The following LTBR variants were observed in gnomAD, a reference collection of about 807,000 sequenced individuals.
The protein encoded by LTBR is lymphotoxin beta receptor, also known as tumor necrosis factor receptor superfamily member 3.
A neutral mutation model predicts 45.4 loss-of-function variants in LTBR; 15 were observed. The ratio of observed to expected loss-of-function variants is 0.33; its 90% confidence interval spans 0.22 to 0.51. LTBR has a LOEUF of 0.51. Among genes scored for constraint, LTBR ranks in the 20% least tolerant of loss-of-function variants. The pLI, the probability that LTBR is intolerant of heterozygous loss-of-function variation, is 0.97. For synonymous variants in LTBR, 228 were observed against 231.0 expected (o/e 0.99, Z 0.12); for missense variants, 450 against 565.5 (o/e 0.80, Z 2.07).
upstream of LTBR, among the ~76,000 whole-genome samples, chr12:6,379,192 A>G (rs192006096): frequency 6.6e-6 from 1 of 152,288 alleles, no homozygotes; most frequent in East Asian, 1.9e-4. Context: ...GACAGAGACC[A>G]GGCGTATTCA....
intron 2 of LTBR, 36 bp from the exon 3 acceptor site, chr12:6,384,986 G>A (rs113399955): frequency 0.012 from 19,721 of 1,612,550 alleles, 156 homozygotes; most frequent in Non-Finnish European, 0.015. Flanking sequence ...GTGGAGCCTC[G>A]TCTCCTGAGG....
Position 6,384,345 on chromosome 12 carries a change from G to A in LTBR, c.-14G>A, listed in dbSNP as rs1254856459. 3 of 1,483,196 alleles carry A rather than the reference G, an allele frequency of 2.0e-6. No homozygotes were observed. The highest frequency in any genetic ancestry group is 2.7e-6 in the Non-Finnish European group (3 of 1,121,202). 91.9% of individuals were successfully genotyped at this position (1,483,196 alleles called of 1,614,324 possible). ...AGGCCCCCACGTTGCTGGCCGCCTG[G>A]CCGAGTGGCCGCCATGCTCCTGCCT... On this transcript the variant is annotated 5_prime_UTR_variant, in exon 1 of 10. Transcript: ENST00000228918.
At chr12:6,385,610 A>T in intron 4 of LTBR, 1 of 585,978 alleles carries the variant, frequency 1.7e-6, no homozygotes, top group Non-Finnish European at 3.0e-6. Context: ...AGCTTGGGCA[A>T]AATGGTAGGC....
At position 6,385,035 on chromosome 12, in the gene LTBR, A is replaced by C; in HGVS notation, c.207A>C (p.Ser69=). 6.2e-7 allele frequency: 1 copy of C among 1,614,182 alleles called. No individual in the cohort carries two copies. Among genetic ancestry groups the C allele is most frequent in the Non-Finnish European group, 8.5e-7 (1 of 1,179,986 alleles). Residue 69 remains serine (S), a synonymous_variant, in exon 3 of 10, where the codon TCA becomes TCC. Transcript: ENST00000228918. Reference sequence around the variant, plus strand: ...CTCACGTTCTAGGCACCTATGTCTCAGCTAAATGTAGCCGCATCCGGGACA... The same window carrying C: ...CTCACGTTCTAGGCACCTATGTCTCCGCTAAATGTAGCCGCATCCGGGACA... ...CSRCPPGTYV[S]AKCSRIRDTV...
At chr12:6,375,556 A>G in exon 1 of LTBR, 2 of 1,532,552 alleles carry the variant, frequency 1.3e-6, no homozygotes, top group Non-Finnish European at 1.7e-6. Context: ...CCGGCCAGGG[A>G]TGGAAGCGAC....
chr12:6,390,303 G>A lies in LTBR; in HGVS notation c.993G>A (p.Pro331=), dbSNP rs748659594. 5.7e-5 allele frequency: 92 copies of A among 1,611,614 alleles called. No individual in the cohort carries two copies. Among genetic ancestry groups the A allele is most frequent in the East Asian group, 8.9e-5 (4 of 44,822 alleles). Residue 331 remains proline (P), a synonymous_variant, in exon 9 of 10, where the codon CCG becomes CCA. Coordinates refer to ENST00000228918, the MANE Select transcript of LTBR (RefSeq NM_002342.3). ...QQSPLDLTRE[P]QLEPGEQSQV... is the part of the protein sequence containing the mutation. ...GTCCTCTGGACCTGACCAGGGAGCC[G>A]CAGTTGGAACCCGGGGAGCAGAGCC...
chr12:6,388,184 A>G lies in LTBR; in HGVS notation c.668-214A>G. Reference sequence around the variant, plus strand: ...CATGATACAGTCTCTCCTGGCTGCCAAGAGGTCCTCAAGTCCAACTTAGTT... The same window carrying G: ...CATGATACAGTCTCTCCTGGCTGCCGAGAGGTCCTCAAGTCCAACTTAGTT... On this transcript the variant is annotated intron_variant, in intron 6 of 9. Transcript: ENST00000228918. This position sits in a 1 kb window ranked among gnomAD's most constrained non-coding sequence, Gnocchi z 4.3. 1.9e-6 allele frequency: 1 copy of G among 538,032 alleles called. No individual in the cohort carries two copies. Among genetic ancestry groups the G allele is most frequent in the Non-Finnish European group, 3.4e-6 (1 of 297,772 alleles). 33.3% of individuals were successfully genotyped at this position (538,032 alleles called of 1,614,324 possible).
At chr12:6,384,848 C>T in intron 2 of LTBR, 164 bp downstream of exon 2, 3 of 992,870 alleles carry the variant, frequency 3.0e-6, no homozygotes, top group East Asian at 2.5e-5. Flanking sequence ...ATGGGACTGG[C>T]CCTCCCCACT....
At chr12:6,375,775 G>C in intron 1 of LTBR, 2 of 1,404,420 alleles carry the variant, frequency 1.4e-6, no homozygotes, top group Non-Finnish European at 1.8e-6. Context: ...GAGGGGCAAA[G>C]ATCTGAACAA....
At chr12:6,384,054 GC>G, upstream of LTBR, 1 of 1,194,746 alleles carries the variant, frequency 8.4e-7, no homozygotes, top group Non-Finnish European at 1.0e-6. Context: ...CGCCCCTCCC[GC>G]CCCGCATCGA....
rs1417302723 is a variant in LTBR, at chr12:6,388,065, T to C, written c.668-333T>C. Among the ~76,000 whole-genome samples, 1 of 151,984 alleles carries C rather than the reference T, an allele frequency of 6.6e-6. No individual in the cohort carries two copies. The highest frequency in any genetic ancestry group is 1.5e-5 in the Non-Finnish European group (1 of 67,990). ...CAATCCCACTTCCAGACCTTGAAAA[T>C]CAACTGCCTAAGCTCCCATCCTGCA... On this transcript the variant is annotated intron_variant, in intron 6 of 9. Coordinates refer to ENST00000228918, the MANE Select transcript of LTBR (RefSeq NM_002342.3). This position sits in a 1 kb window ranked among gnomAD's most constrained non-coding sequence, Gnocchi z 4.3.
upstream of LTBR, chr12:6,384,073 A>C: frequency 1.6e-6 from 2 of 1,220,920 alleles, no homozygotes; most frequent in Non-Finnish European, 2.0e-6. Flanking sequence ...CGAGGCAGAC[A>C]AGCCTGTTCC....
At chr12:6,382,905 T>C (rs1948998212), upstream of LTBR, among the ~76,000 whole-genome samples, 1 of 152,162 alleles carries the variant, frequency 6.6e-6, no homozygotes, top group South Asian at 2.1e-4. Context: ...ACTGCTGGAA[T>C]GAGTTGGGAC....
Position 6,390,737 on chromosome 12 carries a change from G to C in LTBR, c.1108G>C (p.Gly370Arg). The C allele has an allele frequency of 6.4e-7, 1 of 1,556,382 alleles. No homozygotes were observed. Among genetic ancestry groups the C allele is most frequent in the Non-Finnish European group, 8.7e-7 (1 of 1,153,418 alleles). ...CTACATCTACAATGGACCAGTACTG[G>C]GGGGACCACCGGGTCCTGGAGACCT... ...NIYIYNGPVL[G>R]GPPGPGDLPA... The change falls in exon 10 of 10, where the codon GGG (glycine) becomes CGG (arginine). Residue 370 changes from glycine (G) to arginine (R), a missense_variant. Physicochemically the swap from Gly to Arg is moderately radical, Grantham distance 125 (BLOSUM62 -2). Around this residue, in one of 3 missense-constraint regions of LTBR, gnomAD observed 71 missense variants for 90.4 expected, o/e 0.79. Transcript: ENST00000228918.
Position 6,386,331 on chromosome 12 carries a change from T to A in LTBR, c.570-16T>A. Reference sequence around the variant, plus strand: ...GCCAGGGCGTGAAAAGGTCATCATCTTTTTTTCCTCTGCAGGTGTGAGAAC... The same window carrying A: ...GCCAGGGCGTGAAAAGGTCATCATCATTTTTTCCTCTGCAGGTGTGAGAAC... On this transcript the variant is annotated splice_polypyrimidine_tract_variant and intron_variant, in intron 5 of 9. Transcript: ENST00000228918. This position sits in a 1 kb window ranked among gnomAD's most constrained non-coding sequence, Gnocchi z 4.1. 1 of 1,606,306 alleles carries A rather than the reference T, an allele frequency of 6.2e-7. No individual in the cohort carries two copies. The highest frequency in any genetic ancestry group is 8.5e-7 in the Non-Finnish European group (1 of 1,173,352).
chr12:6,384,862 C>T, intron 2 of LTBR, 160 bp from the exon 3 acceptor site: 3 of 1,043,896 alleles, frequency 2.9e-6, no homozygotes, highest in Non-Finnish European at 4.3e-6. Flanking sequence ...CCCCACTGGG[C>T]CTCCTCTTTC....
chr12:6,387,706 G>T (rs1276278479), intron 6 of LTBR: 2 of 311,870 alleles, frequency 6.4e-6, no homozygotes, highest in African/African-American at 4.4e-5. Flanking sequence ...ATTGCTGGCA[G>T]CACTGGTACC....
At position 6,388,951 on chromosome 12, in the gene LTBR, T is replaced by G; in HGVS notation, c.801+126T>G. ...TTCATTCATTCAACTGATGATTTAC[T>G]GAACATGCCACGTACCAGGCACTGT... On this transcript the variant is annotated intron_variant, in intron 8 of 9. Coordinates refer to ENST00000228918, the MANE Select transcript of LTBR (RefSeq NM_002342.3). This position sits in a 1 kb window ranked among gnomAD's most constrained non-coding sequence, Gnocchi z 4.3. The G allele has an allele frequency of 8.3e-7, 1 of 1,209,200 alleles. No individual in the cohort carries two copies. Among genetic ancestry groups the G allele is most frequent in the African/African-American group, 1.5e-5 (1 of 67,568 alleles). 74.9% of individuals were successfully genotyped at this position (1,209,200 alleles called of 1,614,324 possible). A position where few individuals can be genotyped will look rare whatever the true frequency, so the allele number is the denominator to read the frequency against.
rs559966316 is a variant in LTBR, at chr12:6,391,281, C to T, written c.*344C>T. ...ACCGAGGGAGCCGCCACACGGTCAC[C>T]TGCAAGGACGTCACGGGCCCCTCTA... is the stretch of plus-strand genomic sequence containing the variant. On this transcript the variant is annotated 3_prime_UTR_variant, in exon 10 of 10. Transcript: ENST00000228918. The T allele has an allele frequency of 4.7e-6, 1 of 211,836 alleles. No homozygotes were observed. The highest frequency in any genetic ancestry group is 1.0e-4 in the East Asian group (1 of 9,780). 13.1% of individuals were successfully genotyped at this position (211,836 alleles called of 1,614,324 possible). A position where few individuals can be genotyped will look rare whatever the true frequency, so the allele number is the denominator to read the frequency against.
Sources: allele counts gnomAD v4.1 joint callset (sites outside exome capture counted in the v4.1 genomes callset), GRCh38; gene constraint gnomAD v4.1.1; regional missense constraint gnomAD v4.1.1; non-coding constraint Gnocchi (gnomAD v3.1); transcripts MANE v1.5; gene names NCBI Gene and HGNC (gene_info 2026-07-23, HGNC 2026-07-21).